The following MTF2 variants were observed in gnomAD, a reference collection of about 807,000 sequenced individuals.
MTF2 encodes metal response element binding transcription factor 2.
MTF2 carries 11 observed loss-of-function variants against 79.5 expected under a neutral mutation model. The observed-to-expected ratio is 0.14, with a 90% CI of 0.09 to 0.23. MTF2 has a LOEUF of 0.23. Among genes scored for constraint, MTF2 ranks in the 10% least tolerant of loss-of-function variants. MTF2 has a pLI of 1.00. For missense variants in MTF2, 486 were observed against 711.2 expected, an observed-to-expected ratio of 0.68 and a Z score of 3.60; for synonymous variants, 208 against 232.8, an observed-to-expected ratio of 0.89 and a Z score of 0.97.
intron 7 of MTF2, 83 bp downstream of exon 7, chr1:93,118,523 G>C (rs1421964248): frequency 7.4e-6 from 7 of 946,738 alleles, no homozygotes; most frequent in Non-Finnish European, 1.1e-5. Context: ...ATTTCCTAAA[G>C]ATAGTTTCAA....
intron 1 of MTF2, among the ~76,000 whole-genome samples, chr1:93,085,516 T>A (rs1654801157): frequency 7.4e-6 from 1 of 134,860 alleles, no homozygotes; most frequent in African/African-American, 2.8e-5. Flanking sequence ...AGAGACAGGG[T>A]CTCTCTGTTG....
At chr1:93,135,943 TGGGTTGTTAACTTATACAGTATGACTGTA>T (rs1647370997) in intron 14 of MTF2, among the ~76,000 whole-genome samples, 1 of 152,258 alleles carries the variant, frequency 6.6e-6, no homozygotes, top group South Asian at 2.1e-4. Context: ...ATAACAGAGC[TGGGTTGTTAACTTATACAGTATGACTGTA>T]GGTCTTTCAA....
intron 8 of MTF2, chr1:93,119,816 C>G (rs1387816621): frequency 6.4e-6 from 1 of 155,914 alleles, no homozygotes; most frequent in East Asian, 1.9e-4. Flanking sequence ...TAAGTACTTA[C>G]AAATCTTTGT....
At position 93,114,668 on chromosome 1, in the gene MTF2, A is replaced by G. The variant is rs758198731; in HGVS notation, c.287-20A>G. 1.3e-6 allele frequency: 2 copies of G among 1,558,434 alleles called. No homozygotes were observed. Among genetic ancestry groups the G allele is most frequent in the East Asian group, 2.2e-5 (1 of 44,478 alleles). On this transcript the variant is annotated intron_variant, in intron 3 of 14. Transcript: ENST00000370298. ...GAATTTTTTATGACTCTCTTTTTTA[A>G]TGTGTTTTAAATATTTTAGGAGCCA...
At chr1:93,079,721 G>T (rs1384615303) in intron 1 of MTF2, among the ~76,000 whole-genome samples, 190 bp downstream of exon 1, 6 of 152,156 alleles carry the variant, frequency 3.9e-5, no homozygotes, top group Non-Finnish European at 4.4e-5. Context: ...TCAGTTGAGT[G>T]TTGGGAGAAA....
At chr1:93,133,620 A>G in intron 11 of MTF2, 83 bp from the exon 12 acceptor site, 1 of 691,826 alleles carries the variant, frequency 1.4e-6, no homozygotes, top group Non-Finnish European at 2.2e-6. Context: ...AAATATATGT[A>G]TATGTGTCTA....
At chr1:93,118,558 C>G in intron 7 of MTF2, 118 bp downstream of exon 7, 1 of 601,358 alleles carries the variant, frequency 1.7e-6, no homozygotes, top group Non-Finnish European at 2.8e-6. Flanking sequence ...GGGGTTGTCT[C>G]AGAGGGAAAA....
At chr1:93,093,898 A>T (rs1265870026) in intron 1 of MTF2, among the ~76,000 whole-genome samples, 1 of 152,018 alleles carries the variant, frequency 6.6e-6, no homozygotes, top group African/African-American at 2.4e-5. Flanking sequence ...TAGTCCCTTG[A>T]TTGATAATTT....
chr1:93,106,763 T>C (rs968780321), intron 1 of MTF2, among the ~76,000 whole-genome samples: 2 of 152,190 alleles, frequency 1.3e-5, no homozygotes, highest in South Asian at 2.1e-4. Context: ...TCAGGTGATC[T>C]GCCCACCTCG....
In MTF2 at chr1:93,118,595, G is replaced by A. The variant is rs187343007; in HGVS notation, c.728+155G>A. On this transcript the variant is annotated intron_variant, in intron 7 of 14. Transcript: ENST00000370298. ...ATTAAATAATATACTTAAAATATAC[G>A]TAATTTTTGTGCTTTTGGATTTTAT... Among the ~76,000 whole-genome samples, 329 of 152,198 alleles carry A rather than the reference G, an allele frequency of 2.2e-3. 1 individual carries two copies. Among genetic ancestry groups the A allele is most frequent in the Non-Finnish European group, 3.3e-3 (222 of 68,010 alleles).
intron 9 of MTF2, among the ~76,000 whole-genome samples, chr1:93,125,077 G>A (rs1410314978): frequency 2.6e-5 from 4 of 151,942 alleles, no homozygotes; most frequent in African/African-American, 4.8e-5. Context: ...ACGGTAGGGA[G>A]TAAATACCAA....
intron 1 of MTF2, among the ~76,000 whole-genome samples, chr1:93,105,582 C>T (rs1655741458): frequency 6.6e-6 from 1 of 152,162 alleles, no homozygotes. Context: ...TATTAAATTA[C>T]CTCTATATAT....
intron 9 of MTF2, among the ~76,000 whole-genome samples, chr1:93,124,989 A>T (rs959293434): frequency 1.5e-4 from 23 of 152,002 alleles, no homozygotes; most frequent in African/African-American, 5.6e-4. Context: ...TGGCACTTTT[A>T]TGGTAGCTAA....
At position 93,118,910 on chromosome 1, in the gene MTF2, A is replaced by G. The variant is rs72955369; in HGVS notation, c.729-423A>G. ...GACATCTGAAAACCTGGTTTTAAAAATCTTGGCTTATGCCACTTAATTTTC... is the reference window on the plus strand; with the variant it reads ...GACATCTGAAAACCTGGTTTTAAAAGTCTTGGCTTATGCCACTTAATTTTC... On this transcript the variant is annotated intron_variant, in intron 7 of 14. Coordinates refer to ENST00000370298, the MANE Select transcript of MTF2 (RefSeq NM_007358.4). Among the ~76,000 whole-genome samples, 77 of 152,398 alleles carry G rather than the reference A, an allele frequency of 5.1e-4. 1 individual carries two copies. The highest frequency in any genetic ancestry group is 1.8e-3 in the African/African-American group (75 of 41,600).
intron 14 of MTF2, among the ~76,000 whole-genome samples, chr1:93,134,751 C>T (rs376192621): frequency 6.0e-5 from 9 of 150,652 alleles, no homozygotes; most frequent in African/African-American, 1.9e-4. Flanking sequence ...CTTGAACTCC[C>T]GATCTCAAGT....
intron 4 of MTF2, 94 bp from the exon 5 acceptor site, chr1:93,114,894 A>G: frequency 8.2e-7 from 1 of 1,223,298 alleles, no homozygotes; most frequent in Non-Finnish European, 1.1e-6. Context: ...TATTAATTAT[A>G]TTAATGTAGG....
chr1:93,115,015 A>G lies in MTF2; in HGVS notation c.410A>G (p.His137Arg). 1 of 1,610,132 alleles carries G rather than the reference A, an allele frequency of 6.2e-7. No homozygotes were observed. The highest frequency in any genetic ancestry group is 8.5e-7 in the Non-Finnish European group (1 of 1,176,884). The change falls in exon 5 of 15, where the codon CAT becomes CGT. Residue 137 changes from histidine (H) to arginine (R), a missense_variant. By Grantham distance (29) the His-to-Arg change is conservative. Transcript: ENST00000370298. ...QGYHQLCHTP[H>R]IDSSVIDSDE... Reference sequence around the variant, plus strand: ...TATCATCAGTTGTGTCACACACCTCATATTGATTCCAGTGTGATTGATTCA... The same window carrying G: ...TATCATCAGTTGTGTCACACACCTCGTATTGATTCCAGTGTGATTGATTCA...
At chr1:93,088,661 G>A (rs534328793) in intron 1 of MTF2, among the ~76,000 whole-genome samples, 3 of 152,136 alleles carry the variant, frequency 2.0e-5, no homozygotes, top group Admixed American at 1.3e-4. Flanking sequence ...TGCCTCCTGG[G>A]TTCAAGCAAT....
intron 9 of MTF2, chr1:93,121,093 A>G (rs1656458630): frequency 1.0e-6 from 1 of 978,790 alleles, no homozygotes; most frequent in Non-Finnish European, 1.2e-6. Context: ...TCTGACTTGT[A>G]GGAATGGTGG....
Sources: gnomAD v4.1 joint callset for allele counts (sites outside exome capture counted in the v4.1 genomes callset) on GRCh38, gnomAD v4.1.1 for gene constraint, MANE v1.5 for transcripts, NCBI Gene and HGNC (gene_info 2026-07-23, HGNC 2026-07-21) for gene names.